Variants in ROBO2 observed in about 807,000 individuals in gnomAD.
The protein encoded by ROBO2 is roundabout homolog 2.
In ROBO2, 53 loss-of-function variants were observed where a neutral mutation model predicts 160.8. The observed-to-expected ratio is 0.33, with a 90% CI of 0.26 to 0.41. The LOEUF (loss-of-function observed/expected upper bound fraction) is 0.41, where lower values mean the gene tolerates loss of function less well. Among genes scored for constraint, ROBO2 ranks in the 10% least tolerant of loss-of-function variants. The pLI is 1.00. For synonymous variants in ROBO2, 664 were observed against 611.7 expected (o/e 1.09, Z -1.26); for missense variants, 1,577 against 1,722.4 (o/e 0.92, Z 1.49).
chr3:76,238,462 C>T (rs34211681), intron 2 of ROBO2, among the ~76,000 whole-genome samples: 50,692 of 151,932 alleles, frequency 0.33, 10,498 homozygotes, highest in Non-Finnish European at 0.45. Flanking sequence ...AACCACCTCC[C>T]CCAAGGGCTT....
rs2086379847 is a variant in ROBO2 at position 77,493,392 on chromosome 3, A to G, written c.806+10A>G. 5.0e-6 allele frequency: 8 copies of G among 1,613,764 alleles called. No individual in the cohort carries two copies. The highest frequency in any genetic ancestry group is 6.8e-6 in the Non-Finnish European group (8 of 1,179,788). On this transcript the variant is annotated intron_variant, in intron 5 of 25. Transcript: ENST00000461745. ...ACTTGCCAAGAGGAAGGTAAGACCAACATATGGATGGAAGATTGTTAGATA... is the reference window on the plus strand; with the variant it reads ...ACTTGCCAAGAGGAAGGTAAGACCAGCATATGGATGGAAGATTGTTAGATA...
At chr3:77,449,378 T>C (rs1284955040) in intron 2 of ROBO2, among the ~76,000 whole-genome samples, 1 of 152,162 alleles carries the variant, frequency 6.6e-6, no homozygotes, top group East Asian at 1.9e-4. Flanking sequence ...TTTTAGGTTG[T>C]TAAATATGCA....
chr3:77,413,391 A>G (rs1453300467), intron 2 of ROBO2, among the ~76,000 whole-genome samples: 1 of 152,118 alleles, frequency 6.6e-6, no homozygotes, highest in Non-Finnish European at 1.5e-5. Flanking sequence ...TGCAAATTTG[A>G]ATGAGGTGAA....
At chr3:76,874,789 G>A (rs1441778183) in intron 2 of ROBO2, among the ~76,000 whole-genome samples, 2 of 152,166 alleles carry the variant, frequency 1.3e-5, no homozygotes, top group African/African-American at 4.8e-5. Context: ...CAAAAAGAGG[G>A]TGCCAGACCC....
chr3:76,141,201 A>C (rs1456906361), intron 2 of ROBO2, among the ~76,000 whole-genome samples: 2 of 118,034 alleles, frequency 1.7e-5, no homozygotes, highest in African/African-American at 6.3e-5. Context: ...AATGTCTGAT[A>C]TATATATATC....
intron 2 of ROBO2, among the ~76,000 whole-genome samples, chr3:76,809,269 C>A (rs2108963915): frequency 6.6e-6 from 1 of 152,120 alleles, no homozygotes; most frequent in East Asian, 1.9e-4. Context: ...AGGTTGTTGG[C>A]AGAATTCATA....
chr3:76,013,493 T>C (rs1208196373), intron 2 of ROBO2, among the ~76,000 whole-genome samples: 5 of 149,894 alleles, frequency 3.3e-5, no homozygotes, highest in Non-Finnish European at 1.5e-5. Flanking sequence ...AGAAGTAATA[T>C]GCATAAAGGC....
chr3:77,456,527 A>G (rs2081657112), intron 2 of ROBO2, among the ~76,000 whole-genome samples: 1 of 152,214 alleles, frequency 6.6e-6, no homozygotes, highest in Non-Finnish European at 1.5e-5. Context: ...ACTGAGTTCT[A>G]ATGTACAGAA....
intron 2 of ROBO2, among the ~76,000 whole-genome samples, chr3:77,336,650 A>G (rs1469626656): frequency 1.3e-5 from 2 of 152,166 alleles, no homozygotes; most frequent in Non-Finnish European, 2.9e-5. Context: ...GGAACTAATG[A>G]GGGCCTTCCA....
At chr3:76,397,165 C>T (rs995381418) in intron 2 of ROBO2, among the ~76,000 whole-genome samples, 14 of 152,056 alleles carry the variant, frequency 9.2e-5, no homozygotes, top group South Asian at 2.1e-4. Context: ...TCAGAAGTAA[C>T]GCCCCATATC....
At chr3:76,301,401 T>G (rs541469181) in intron 2 of ROBO2, among the ~76,000 whole-genome samples, 4 of 152,210 alleles carry the variant, frequency 2.6e-5, no homozygotes, top group African/African-American at 9.6e-5. Flanking sequence ...CAAAAAAAAC[T>G]GAGAATTATA....
At chr3:76,769,160 A>T (rs1285206994) in intron 2 of ROBO2, among the ~76,000 whole-genome samples, 1 of 151,500 alleles carries the variant, frequency 6.6e-6, no homozygotes, top group African/African-American at 2.4e-5. Flanking sequence ...TTTGTTTGGT[A>T]GATGTGATGA....
chr3:77,142,872 C>T (rs1359960393), intron 2 of ROBO2, among the ~76,000 whole-genome samples: 4 of 152,138 alleles, frequency 2.6e-5, no homozygotes, highest in Non-Finnish European at 4.4e-5. Flanking sequence ...AGCGACCTGT[C>T]GCTAGTAGCC....
At chr3:77,182,817 A>G (rs1038927385) in intron 2 of ROBO2, among the ~76,000 whole-genome samples, 3 of 152,088 alleles carry the variant, frequency 2.0e-5, no homozygotes, top group Non-Finnish European at 2.9e-5. Flanking sequence ...AGATGCAGGT[A>G]ACTAGGTGGA....
intron 1 of ROBO2, among the ~76,000 whole-genome samples, chr3:77,070,333 T>C (rs1159663521): frequency 6.6e-6 from 1 of 152,142 alleles, no homozygotes; most frequent in Non-Finnish European, 1.5e-5. Context: ...CCAGCTTTGG[T>C]GGCTTAGATG....
intron 2 of ROBO2, among the ~76,000 whole-genome samples, chr3:76,402,481 T>A (rs1319602570): frequency 6.6e-6 from 1 of 151,634 alleles, no homozygotes; most frequent in South Asian, 2.1e-4. Context: ...CAAGAACTTA[T>A]GGGCTTAAAT....
rs114203582 is a variant in ROBO2, at chr3:76,441,475, T to C, written c.109+503873T>C. Among the ~76,000 whole-genome samples, 365 of 152,296 alleles carry C rather than the reference T, an allele frequency of 2.4e-3. 1 individual carries two copies. The highest frequency in any genetic ancestry group is 8.3e-3 in the African/African-American group (345 of 41,572). On this transcript the variant is annotated intron_variant, in intron 2 of 26. Coordinates refer to the ROBO2 transcript ENST00000487694. ...AGCCCCTCATTCTTGAAAAGTTGTA[T>C]ATTCAAAACCAGAGGGAAGAACCGT... is the stretch of plus-strand genomic sequence containing the variant.
chr3:76,680,159 T>C (rs1181433854), intron 2 of ROBO2, among the ~76,000 whole-genome samples: 4 of 152,176 alleles, frequency 2.6e-5, no homozygotes, highest in Non-Finnish European at 5.9e-5. Context: ...ACAAATCTAT[T>C]GGACTTGAAA....
intron 19 of ROBO2, among the ~76,000 whole-genome samples, chr3:77,600,431 CA>C (rs1368480913): frequency 6.6e-6 from 1 of 152,084 alleles, no homozygotes; most frequent in Non-Finnish European, 1.5e-5. Flanking sequence ...ATTCAATTTC[CA>C]GAGCCATAGC....
Sources: allele counts gnomAD v4.1 joint callset (sites outside exome capture counted in the v4.1 genomes callset), GRCh38; gene constraint gnomAD v4.1.1; transcripts MANE v1.5; gene names NCBI Gene and HGNC (gene_info 2026-07-23, HGNC 2026-07-21).